The following MAD1L1 variants were observed in gnomAD, a reference collection of about 807,000 sequenced individuals.
MAD1L1 encodes mitotic arrest deficient 1 like 1, also known as mitotic spindle assembly checkpoint protein MAD1.
Under a neutral mutation model 96.9 loss-of-function variants are expected in MAD1L1, and 95 were observed. That is an observed-to-expected ratio of 0.98 (90% CI 0.83 to 1.16). The LOEUF (loss-of-function observed/expected upper bound fraction) is 1.16, where lower values mean the gene tolerates loss of function less well. Ranked by LOEUF, MAD1L1 falls within the 50% of genes most tolerant of loss-of-function variation. The pLI is 0.00. For synonymous variants in MAD1L1, 473 were observed against 396.6 expected, an observed-to-expected ratio of 1.19 and a Z score of -2.29; for missense variants, 1,007 against 954.4, an observed-to-expected ratio of 1.06 and a Z score of -0.73.
rs1156813023 is a variant in MAD1L1 at position 1,898,513 on chromosome 7, G to A, written c.1808-123C>T. 1.6e-5 allele frequency: 12 copies of A among 738,110 alleles called. No individual in the cohort carries two copies. In the South Asian group the frequency reaches 2.0e-4, roughly 12 times the overall value. 45.7% of individuals were successfully genotyped at this position (738,110 alleles called of 1,614,324 possible). A position where few individuals can be genotyped will look rare whatever the true frequency, so the allele number is the denominator to read the frequency against. Reference sequence around the variant, plus strand: ...GGAGTGGCGGCTGCCCAGGGACACAGCAAGCCCCCGTGTCACACCAGCCAG... The same window carrying A: ...GGAGTGGCGGCTGCCCAGGGACACAACAAGCCCCCGTGTCACACCAGCCAG... On this transcript the variant is annotated intron_variant, in intron 17 of 18. Transcript: ENST00000265854.
At chr7:2,044,125 C>A (rs1227121834) in intron 12 of MAD1L1, among the ~76,000 whole-genome samples, 2 of 152,196 alleles carry the variant, frequency 1.3e-5, no homozygotes, top group Admixed American at 6.5e-5. Flanking sequence ...AGGGGAGCAG[C>A]CAACGGTCTG....
chr7:1,904,143 C>T (rs141419413), intron 17 of MAD1L1, among the ~76,000 whole-genome samples: 3,055 of 80,384 alleles, frequency 0.038, 29 homozygotes, highest in East Asian at 0.1. Context: ...GCAGCGAGGA[C>T]GCAGTGGCCT....
chr7:2,022,367 A>AT (rs1454310461), intron 12 of MAD1L1, among the ~76,000 whole-genome samples: 1 of 152,226 alleles, frequency 6.6e-6, no homozygotes, highest in East Asian at 1.9e-4. Context: ...TGCTTGGCTC[A>AT]TGCCTGTAAT....
At chr7:2,117,673 T>C (rs1367701903) in intron 11 of MAD1L1, among the ~76,000 whole-genome samples, 1 of 152,162 alleles carries the variant, frequency 6.6e-6, no homozygotes, top group Non-Finnish European at 1.5e-5. Context: ...CCACTATGAT[T>C]GTCATTTTCC....
At chr7:1,835,450 CAT>C (rs1293730489) in intron 18 of MAD1L1, among the ~76,000 whole-genome samples, 3 of 152,186 alleles carry the variant, frequency 2.0e-5, no homozygotes, top group Non-Finnish European at 4.4e-5. Flanking sequence ...GGAACTAACA[CAT>C]GAGTTTAGCG....
At chr7:1,901,148 C>T (rs1282742583) in intron 17 of MAD1L1, among the ~76,000 whole-genome samples, 4 of 152,190 alleles carry the variant, frequency 2.6e-5, no homozygotes, top group Admixed American at 6.5e-5. Context: ...AAGGCTGCCT[C>T]GACGGAGTCG....
At chr7:1,960,153 C>G (rs1412948087) in intron 15 of MAD1L1, among the ~76,000 whole-genome samples, 1 of 149,706 alleles carries the variant, frequency 6.7e-6, no homozygotes, top group Non-Finnish European at 1.5e-5. Context: ...TACCCTACAG[C>G]AAGCCCTAAA....
intron 16 of MAD1L1, among the ~76,000 whole-genome samples, chr7:1,939,221 A>AGGGCTG (rs530534047): frequency 8.3e-6 from 1 of 121,024 alleles, no homozygotes; most frequent in Non-Finnish European, 1.7e-5. Flanking sequence ...CACACGGGCC[A>AGGGCTG]GGGCCAGAGG....
At chr7:2,070,935 G>A (rs1785095216) in intron 11 of MAD1L1, among the ~76,000 whole-genome samples, 1 of 152,132 alleles carries the variant, frequency 6.6e-6, no homozygotes, top group Admixed American at 6.5e-5. Context: ...TTGGGGAAGG[G>A]AAAGCTTCAT....
intron 17 of MAD1L1, among the ~76,000 whole-genome samples, chr7:1,915,311 C>T (rs773778064): frequency 2.6e-5 from 4 of 152,094 alleles, no homozygotes; most frequent in South Asian, 4.1e-4. Flanking sequence ...CCGGGAGGGA[C>T]GGGGAGATGG....
At chr7:2,085,133 T>C (rs1461211220) in intron 11 of MAD1L1, among the ~76,000 whole-genome samples, 1 of 152,204 alleles carries the variant, frequency 6.6e-6, no homozygotes, top group African/African-American at 2.4e-5. Flanking sequence ...TGTTCGTTAC[T>C]GCAGCTCACA....
chr7:1,875,659 A>G (rs1360791813), intron 18 of MAD1L1, among the ~76,000 whole-genome samples: 5 of 152,242 alleles, frequency 3.3e-5, no homozygotes, highest in Admixed American at 6.5e-5. Flanking sequence ...CGGGAGGTAT[A>G]AGGGAACCCT....
chr7:2,115,020 C>T (rs1368246023), intron 11 of MAD1L1, among the ~76,000 whole-genome samples: 1 of 152,226 alleles, frequency 6.6e-6, no homozygotes, highest in East Asian at 1.9e-4. Context: ...GAGCAGAGCG[C>T]CTGGGAGACC....
At chr7:1,862,088 C>T (rs969704695) in intron 18 of MAD1L1, among the ~76,000 whole-genome samples, 2 of 151,652 alleles carry the variant, frequency 1.3e-5, no homozygotes, top group East Asian at 1.9e-4. Flanking sequence ...TGGCTGGACA[C>T]CCCCACCCAT....
intron 18 of MAD1L1, among the ~76,000 whole-genome samples, chr7:1,857,908 G>A (rs749299501): frequency 9.9e-5 from 15 of 152,148 alleles, no homozygotes; most frequent in African/African-American, 1.9e-4. Context: ...TGTCCACCCC[G>A]GCCCTGCAGA....
chr7:1,914,435 T>G (rs1213807693), intron 17 of MAD1L1, among the ~76,000 whole-genome samples: 1 of 152,164 alleles, frequency 6.6e-6, no homozygotes, highest in African/African-American at 2.4e-5. Context: ...AGATGTGCGC[T>G]CCGGCTCTGA....
chr7:2,125,546 C>T (rs552305498), intron 11 of MAD1L1, among the ~76,000 whole-genome samples: 1 of 152,274 alleles, frequency 6.6e-6, no homozygotes, highest in East Asian at 1.9e-4. Flanking sequence ...CCCAGGTGAG[C>T]GAGGGCCTGC....
chr7:2,169,060 G>A lies in MAD1L1; in HGVS notation c.987-19822C>T, dbSNP rs369962316. On this transcript the variant is annotated intron_variant, in intron 10 of 18. Coordinates refer to ENST00000265854, the MANE Select transcript of MAD1L1 (RefSeq NM_001013836.2). Reference sequence around the variant, plus strand: ...CCGGTGCTTGTCCTGGCGCTGTTCAGAACAGGAAGAACCGGAAACAACCTG... The same window carrying A: ...CCGGTGCTTGTCCTGGCGCTGTTCAAAACAGGAAGAACCGGAAACAACCTG... Among the ~76,000 whole-genome samples, 25 of 152,206 alleles carry A rather than the reference G, an allele frequency of 1.6e-4. No individual in the cohort carries two copies. In the East Asian group the frequency reaches 2.1e-3, roughly 13 times the overall value.
chr7:1,870,580 GCCACGCTGAACCCACCGTAACA>G (rs1295608220), intron 18 of MAD1L1, among the ~76,000 whole-genome samples: 6 of 147,420 alleles, frequency 4.1e-5, no homozygotes, highest in Admixed American at 1.4e-4. Context: ...ACATACGCCT[GCCACGCTGAACCCACCGTAACA>G]CCTGCCACGC....
Sources: gnomAD v4.1 joint callset for allele counts (sites outside exome capture counted in the v4.1 genomes callset) on GRCh38, gnomAD v4.1.1 for gene constraint, MANE v1.5 for transcripts, NCBI Gene and HGNC (gene_info 2026-07-23, HGNC 2026-07-21) for gene names.